Variants in MBNL2 observed in about 807,000 individuals in gnomAD.
MBNL2 encodes muscleblind-like protein 2.
MBNL2 carries 17 observed loss-of-function variants against 41.9 expected under a neutral mutation model. The observed-to-expected ratio is 0.41, with a 90% confidence interval of 0.28 to 0.61. The LOEUF (loss-of-function observed/expected upper bound fraction) is 0.61. Ranked by LOEUF, MBNL2 falls within the 20% of genes least tolerant of loss-of-function variation. MBNL2 has a pLI of 0.35. For missense variants in MBNL2, 336 were observed against 505.6 expected, an observed-to-expected ratio of 0.66 and a Z score of 3.22; for synonymous variants, 195 against 182.9, an observed-to-expected ratio of 1.07 and a Z score of -0.53.
At chr13:97,345,689 T>C (rs1426821236) in intron 4 of MBNL2, among the ~76,000 whole-genome samples, 1 of 152,228 alleles carries the variant, frequency 6.6e-6, no homozygotes, top group Non-Finnish European at 1.5e-5. Context: ...TTCTGATTTA[T>C]GATTATGTTA....
intron 1 of MBNL2, among the ~76,000 whole-genome samples, chr13:97,248,635 A>C (rs993614304): frequency 7.5e-4 from 115 of 152,370 alleles, no homozygotes; most frequent in African/African-American, 2.4e-3. Flanking sequence ...AACCATTTAA[A>C]GCACAAAAAG....
the MBNL2 span, among the ~76,000 whole-genome samples, chr13:97,151,595 T>C: frequency 6.6e-6 from 1 of 152,196 alleles, no homozygotes; most frequent in South Asian, 2.1e-4. Context: ...ATAAAGTCTC[T>C]GGTCATGGAG....
At chr13:97,161,259 G>A in the MBNL2 span, among the ~76,000 whole-genome samples, 31 of 152,166 alleles carry the variant, frequency 2.0e-4, no homozygotes, top group African/African-American at 7.2e-4. Context: ...GTGGCTAAGA[G>A]CTCAGCACCT....
intron 1 of MBNL2, among the ~76,000 whole-genome samples, chr13:97,245,920 G>A (rs941833683): frequency 2.0e-5 from 3 of 152,160 alleles, no homozygotes; most frequent in African/African-American, 7.2e-5. Context: ...GACAAAGGAA[G>A]GGAACTAGTG....
intron 1 of MBNL2, among the ~76,000 whole-genome samples, chr13:97,238,268 C>T (rs997327966): frequency 2.6e-5 from 4 of 152,120 alleles, no homozygotes; most frequent in South Asian, 2.1e-4. Context: ...AAATGGTAGA[C>T]GACACAGGCT....
rs1566444441 is a variant in MBNL2 at position 97,366,768 on chromosome 13, TGTTTGTTTTC to T, written c.1048+1600_1048+1609del. The T allele has an allele frequency of 1.6e-6, 1 of 626,416 alleles. No individual in the cohort carries two copies. Among genetic ancestry groups the T allele is most frequent in the Non-Finnish European group, 2.8e-6 (1 of 352,586 alleles). The allele number at this position is 626,416 out of a possible 1,614,324, so 38.8% of individuals were successfully genotyped here. A position where few individuals can be genotyped will look rare whatever the true frequency, so the allele number is the denominator to read the frequency against. On this transcript the variant is annotated intron_variant, in intron 8 of 8. Coordinates refer to ENST00000679496, the MANE Select transcript of MBNL2 (RefSeq NM_001382683.1). This position sits in a 1 kb window ranked among gnomAD's most constrained non-coding sequence, Gnocchi z 4.7. The stretch of plus-strand genomic sequence containing the variant: ...GATGTAGCTATGTTTTGTGTTGCAC[TGTTTGTTTTC>T]GTACCTAATATTGTGTAATTAACCT...
At position 97,357,484 on chromosome 13, in the gene MBNL2, C is replaced by T. The variant is rs1189625239; in HGVS notation, c.861C>T (p.Ala287=). The stretch of plus-strand genomic sequence containing the variant: ...CTTATCGAATTCTTCATTTCTAGGC[C>T]TTTCCCCCTGGTGCTCTTCATCCTT... The part of the protein sequence containing the change: ...KRPLEATVDL[A]FPPGALHPLP... The change falls in exon 7 of 9, where the codon GCC becomes GCT. Residue 287 remains alanine, a splice_region_variant and synonymous_variant. Coordinates refer to ENST00000679496, the MANE Select transcript of MBNL2 (RefSeq NM_001382683.1). 6.2e-7 allele frequency: 1 copy of T among 1,614,024 alleles called. No individual in the cohort carries two copies. Among genetic ancestry groups the T allele is most frequent in the South Asian group, 1.1e-5 (1 of 91,080 alleles).
chr13:97,326,181 T>C (rs1200936523), intron 2 of MBNL2, among the ~76,000 whole-genome samples: 1 of 152,242 alleles, frequency 6.6e-6, no homozygotes, highest in African/African-American at 2.4e-5. Flanking sequence ...TTTGGTCCAC[T>C]TACCTATGTA....
At chr13:97,189,454 C>T in the MBNL2 span, among the ~76,000 whole-genome samples, 1 of 152,010 alleles carries the variant, frequency 6.6e-6, no homozygotes, top group Admixed American at 6.6e-5. Flanking sequence ...TAAATGTTGT[C>T]GTAGGAAAAT....
chr13:97,325,322 T>A (rs2059820448), intron 2 of MBNL2, among the ~76,000 whole-genome samples: 1 of 152,130 alleles, frequency 6.6e-6, no homozygotes, highest in Non-Finnish European at 1.5e-5. Flanking sequence ...GAATTAACAA[T>A]CCTTATCGGT....
At chr13:97,354,301 G>C (rs1485918258) in intron 5 of MBNL2, among the ~76,000 whole-genome samples, 1 of 152,152 alleles carries the variant, frequency 6.6e-6, no homozygotes, top group Non-Finnish European at 1.5e-5. Flanking sequence ...AACATATGCA[G>C]CAGTCAAAAT....
intron 2 of MBNL2, among the ~76,000 whole-genome samples, chr13:97,314,868 C>G (rs1157277778): frequency 6.6e-6 from 1 of 152,152 alleles, no homozygotes; most frequent in Admixed American, 6.5e-5. Context: ...ATAAACTATT[C>G]AACTTAGGTC....
In MBNL2 at chr13:97,229,896, C is replaced by G. The variant is rs149328659; in HGVS notation, c.-605+7365C>G. On this transcript the variant is annotated intron_variant, in intron 1 of 8. Transcript: ENST00000679496. ...CCGGCTAGAAAACTTTCACAATATT[C>G]CAGGTACAAAGTGGAAAAGGGTTGC... Among the ~76,000 whole-genome samples, 51 of 152,216 alleles carry G rather than the reference C, an allele frequency of 3.4e-4. No individual in the cohort carries two copies. In the East Asian group the frequency reaches 9.2e-3, roughly 28 times the overall value.
chr13:97,197,045 G>T, the MBNL2 span, among the ~76,000 whole-genome samples: 9 of 152,300 alleles, frequency 5.9e-5, no homozygotes, highest in Non-Finnish European at 1.2e-4. Flanking sequence ...AAATTAAAAA[G>T]CAGAGTCACA....
chr13:97,335,994 A>G (rs2060848863), intron 3 of MBNL2, among the ~76,000 whole-genome samples: 1 of 152,222 alleles, frequency 6.6e-6, no homozygotes, highest in Non-Finnish European at 1.5e-5. Context: ...TCAACATAAT[A>G]CCACCACATT....
intron 5 of MBNL2, among the ~76,000 whole-genome samples, chr13:97,349,523 GTTTAT>G (rs2062225592): frequency 6.6e-6 from 1 of 152,014 alleles, no homozygotes. Context: ...CACAAAATTT[GTTTAT>G]TTATTTGTTT....
At chr13:97,245,883 T>C (rs1429412556) in intron 1 of MBNL2, among the ~76,000 whole-genome samples, 1 of 152,216 alleles carries the variant, frequency 6.6e-6, no homozygotes, top group Non-Finnish European at 1.5e-5. Context: ...TCCATTATTT[T>C]GAAGTTAAGT....
intron 2 of MBNL2, among the ~76,000 whole-genome samples, chr13:97,322,519 A>G (rs908850976): frequency 6.6e-6 from 1 of 152,244 alleles, no homozygotes; most frequent in African/African-American, 2.4e-5. Context: ...CATTTTCAAC[A>G]TATACTATTT....
intron 1 of MBNL2, among the ~76,000 whole-genome samples, chr13:97,227,427 T>C (rs957587658): frequency 7.2e-5 from 11 of 152,156 alleles, no homozygotes; most frequent in African/African-American, 2.2e-4. Flanking sequence ...ACAAGATATT[T>C]ACAAATGAGA....
Sources: gnomAD v4.1 joint callset for allele counts (sites outside exome capture counted in the v4.1 genomes callset) on GRCh38, gnomAD v4.1.1 for gene constraint, Gnocchi (gnomAD v3.1) non-coding constraint, MANE v1.5 for transcripts, NCBI Gene and HGNC (gene_info 2026-07-23, HGNC 2026-07-21) for gene names.